The following SYCP2 variants were observed in gnomAD, a reference collection of about 807,000 sequenced individuals.
SYCP2 encodes the protein synaptonemal complex lateral element protein.
In SYCP2, 55 loss-of-function variants were observed where a neutral mutation model predicts 211.3. The observed-to-expected ratio is 0.26, with a 90% confidence interval of 0.21 to 0.33. SYCP2 has a LOEUF of 0.33. SYCP2 is among the 10% of genes least tolerant of loss of function. The pLI, the probability that SYCP2 is intolerant of heterozygous loss-of-function variation, is 1.00. For synonymous variants in SYCP2, 570 were observed against 555.2 expected, an observed-to-expected ratio of 1.03 and a Z score of -0.37; for missense variants, 1,731 against 1,752.0, an observed-to-expected ratio of 0.99 and a Z score of 0.21.
chr20:59,914,376 C>T (rs2060391658), intron 10 of SYCP2, 125 bp from the exon 11 acceptor site: 1 of 475,112 alleles, frequency 2.1e-6, no homozygotes, highest in East Asian at 3.3e-5. Context: ...ATTGATTAAT[C>T]TATTAATATT....
At chr20:59,878,601 C>A (rs1246764775) in intron 31 of SYCP2, among the ~76,000 whole-genome samples, 1 of 152,050 alleles carries the variant, frequency 6.6e-6, no homozygotes, top group Admixed American at 6.6e-5. Context: ...CTCCGTGTCC[C>A]TTCTGCTAAA....
At chr20:59,903,159 A>G (rs2060147939) in intron 15 of SYCP2, among the ~76,000 whole-genome samples, 1 of 152,086 alleles carries the variant, frequency 6.6e-6, no homozygotes, top group Admixed American at 6.6e-5. Context: ...AATATTTGTT[A>G]TATTTTAATG....
intron 18 of SYCP2, chr20:59,899,933 T>C (rs1390966239): frequency 1.8e-6 from 1 of 555,712 alleles, no homozygotes; most frequent in Admixed American, 3.4e-5. Context: ...AAGTATGTCT[T>C]GTTCTAACCC....
chr20:59,930,505 C>A (rs1372680598), intron 2 of SYCP2, among the ~76,000 whole-genome samples: 1 of 152,168 alleles, frequency 6.6e-6, no homozygotes, highest in Non-Finnish European at 1.5e-5. Context: ...CCATCTTCTT[C>A]CTTCTCTTTT....
At chr20:59,901,531 A>G in intron 16 of SYCP2, 131 bp downstream of exon 16, 1 of 565,320 alleles carries the variant, frequency 1.8e-6, no homozygotes, top group Admixed American at 3.6e-5. Context: ...ACTCTTCAAC[A>G]GTACAAATTT....
intron 2 of SYCP2, among the ~76,000 whole-genome samples, chr20:59,927,731 T>C (rs148009517): frequency 5.4e-4 from 82 of 152,286 alleles, no homozygotes; most frequent in African/African-American, 1.9e-3. Context: ...TCTCTCTATT[T>C]CTTTAATTTA....
At chr20:59,873,321 T>A (rs2059489723) in intron 35 of SYCP2, among the ~76,000 whole-genome samples, 1 of 152,192 alleles carries the variant, frequency 6.6e-6, no homozygotes. Context: ...TAAGGGTTAC[T>A]TTAACACAAG....
Position 59,864,448 on chromosome 20 carries a change from A to G in SYCP2, c.4516-60T>C. The G allele has an allele frequency of 3.4e-6, 4 of 1,165,096 alleles. No individual in the cohort carries two copies. The South Asian group carries it at 4.3e-5, about 13-fold the overall frequency. 72.2% of individuals were successfully genotyped at this position (1,165,096 alleles called of 1,614,324 possible). On this transcript the variant is annotated intron_variant, in intron 44 of 44. Coordinates refer to ENST00000357552, the MANE Select transcript of SYCP2 (RefSeq NM_014258.4). The stretch of plus-strand genomic sequence containing the variant: ...TCACATTTTCGCTGTAAAACCACCA[A>G]ATAAAATAGAAAAAAAAAAATCAAG...
intron 18 of SYCP2, among the ~76,000 whole-genome samples, chr20:59,899,270 T>C (rs1055493317): frequency 6.6e-6 from 1 of 152,070 alleles, no homozygotes; most frequent in South Asian, 2.1e-4. Context: ...ATAAAGCATA[T>C]TGCCAAAAAA....
At chr20:59,896,564 A>G (rs760155723) in intron 18 of SYCP2, 36 bp from the exon 19 acceptor site, 8 of 1,100,716 alleles carry the variant, frequency 7.3e-6, no homozygotes, top group Non-Finnish European at 1.1e-5. Flanking sequence ...CTGTAAACAC[A>G]GTCTTTTTGA....
chr20:59,895,621 A>C (rs753013076), intron 19 of SYCP2, 24 bp from the exon 20 acceptor site: 2 of 1,605,424 alleles, frequency 1.2e-6, no homozygotes, highest in Non-Finnish European at 1.7e-6. Context: ...CAAGGATTGC[A>C]GATTTTTCTT....
At chr20:59,895,112 G>A (rs1324998705) in intron 20 of SYCP2, among the ~76,000 whole-genome samples, 1 of 152,038 alleles carries the variant, frequency 6.6e-6, no homozygotes, top group Non-Finnish European at 1.5e-5. Flanking sequence ...CAGTCCACTT[G>A]TACTTCGCAT....
chr20:59,899,774 A>C (rs183255105), intron 18 of SYCP2, among the ~76,000 whole-genome samples: 1 of 151,808 alleles, frequency 6.6e-6, no homozygotes, highest in Admixed American at 6.5e-5. Flanking sequence ...AGTAAAAGAA[A>C]GAACCTCATA....
chr20:59,907,861 GAAT>G (rs2060241160), intron 14 of SYCP2, among the ~76,000 whole-genome samples: 1 of 152,164 alleles, frequency 6.6e-6, no homozygotes. Context: ...GAATGCGCAT[GAAT>G]AATAACCTAA....
At chr20:59,887,537 G>A (rs984529772) in intron 24 of SYCP2, among the ~76,000 whole-genome samples, 11 of 151,982 alleles carry the variant, frequency 7.2e-5, no homozygotes, top group African/African-American at 2.7e-4. Context: ...TGGGTCAAAT[G>A]GTATTTCTAG....
rs762060599 is a variant in SYCP2, at chr20:59,913,955, G to T, written c.830+20C>A. ...TCTATTTATTTGACAGTAAATGGTT[G>T]TATCTTGCATTAAGTTTACCTTCTT... On this transcript the variant is annotated intron_variant, in intron 12 of 44. Coordinates refer to ENST00000357552, the MANE Select transcript of SYCP2 (RefSeq NM_014258.4). The T allele has an allele frequency of 6.3e-6, 10 of 1,576,036 alleles. No homozygotes were observed. Among genetic ancestry groups the T allele is most frequent in the Non-Finnish European group, 8.6e-6 (10 of 1,161,124 alleles).
At chr20:59,893,234 T>A in intron 21 of SYCP2, 35 bp from the exon 22 acceptor site, 1 of 1,423,614 alleles carries the variant, frequency 7.0e-7, no homozygotes, top group Non-Finnish European at 9.7e-7. Context: ...TTTTCATTTT[T>A]TTCATGCAGT....
At chr20:59,907,256 A>G in intron 15 of SYCP2, 108 bp downstream of exon 15, 1 of 709,072 alleles carries the variant, frequency 1.4e-6, no homozygotes, top group South Asian at 1.7e-5. Context: ...ACCTCTGAAA[A>G]TATTGATTTT....
At chr20:59,901,929 A>G in intron 15 of SYCP2, 119 bp from the exon 16 acceptor site, 1 of 785,656 alleles carries the variant, frequency 1.3e-6, no homozygotes, top group Admixed American at 3.4e-5. Context: ...TCAATATTGA[A>G]CAGTGTTTAA....
Sources: gnomAD v4.1 joint callset for allele counts (sites outside exome capture counted in the v4.1 genomes callset) on GRCh38, gnomAD v4.1.1 for gene constraint, MANE v1.5 for transcripts, NCBI Gene and HGNC (gene_info 2026-07-23, HGNC 2026-07-21) for gene names.